The following SSBP3 variants were observed in gnomAD, a reference collection of about 807,000 sequenced individuals.
The protein encoded by SSBP3 is single stranded DNA binding protein 3.
SSBP3 carries 5 observed loss-of-function variants against 69.6 expected under a neutral mutation model. That is an observed-to-expected ratio of 0.07 (90% confidence interval 0.04 to 0.15). The LOEUF (loss-of-function observed/expected upper bound fraction) is 0.15. Among genes scored for constraint, SSBP3 ranks in the 10% least tolerant of loss-of-function variants. The pLI is 1.00. For synonymous variants in SSBP3, 196 were observed against 193.4 expected (o/e 1.01, Z -0.11); for missense variants, 312 against 534.0 (o/e 0.58, Z 4.10).
At chr1:54,260,916 G>C (rs1645007219) in intron 5 of SSBP3, among the ~76,000 whole-genome samples, 1 of 152,232 alleles carries the variant, frequency 6.6e-6, no homozygotes, top group Admixed American at 6.5e-5. Flanking sequence ...CAAGCTAAAA[G>C]CTCAGTGCCC....
intron 7 of SSBP3, among the ~76,000 whole-genome samples, chr1:54,253,009 G>A (rs1453345407): frequency 6.6e-6 from 1 of 152,050 alleles, no homozygotes; most frequent in Non-Finnish European, 1.5e-5. Context: ...ACTTCAAACC[G>A]GTTTTGGAAC....
intron 4 of SSBP3, among the ~76,000 whole-genome samples, chr1:54,358,411 G>T (rs1646901779): frequency 6.6e-6 from 1 of 152,176 alleles, no homozygotes; most frequent in African/African-American, 2.4e-5. Flanking sequence ...AGAGTCTCAG[G>T]GCTTCTGTGC....
intron 4 of SSBP3, among the ~76,000 whole-genome samples, chr1:54,352,794 A>C (rs1646801135): frequency 6.6e-6 from 1 of 152,240 alleles, no homozygotes; most frequent in South Asian, 2.1e-4. Flanking sequence ...AACTGCTCGG[A>C]AACTTCAATC....
intron 9 of SSBP3, among the ~76,000 whole-genome samples, chr1:54,247,295 A>C (rs575428001): frequency 4.1e-4 from 62 of 152,220 alleles, no homozygotes; most frequent in Non-Finnish European, 6.6e-4. Flanking sequence ...AAGGGAATAC[A>C]CACAGTGCTG....
chr1:54,259,527 C>G (rs1644981331), intron 5 of SSBP3, among the ~76,000 whole-genome samples: 1 of 152,228 alleles, frequency 6.6e-6, no homozygotes, highest in Admixed American at 6.5e-5. Flanking sequence ...CTTCCCCACC[C>G]ATGACTGTGC....
chr1:54,393,274 G>A (rs1648627724), intron 4 of SSBP3, among the ~76,000 whole-genome samples: 1 of 152,210 alleles, frequency 6.6e-6, no homozygotes, highest in South Asian at 2.1e-4. Flanking sequence ...CACTGGGGCA[G>A]GGAGAACATA....
chr1:54,404,669 G>A (rs1255597096), intron 2 of SSBP3, 32 bp from the exon 3 acceptor site: 10 of 1,613,460 alleles, frequency 6.2e-6, no homozygotes, highest in Middle Eastern at 3.3e-4. Context: ...CAGCTTAGAG[G>A]AGCAGAGACG....
At chr1:54,321,065 A>C (rs888377057) in intron 4 of SSBP3, among the ~76,000 whole-genome samples, 2 of 152,196 alleles carry the variant, frequency 1.3e-5, no homozygotes, top group Non-Finnish European at 2.9e-5. Flanking sequence ...CAGTGGCCTA[A>C]GGGAACATGG....
chr1:54,316,497 C>T (rs1646100901), intron 4 of SSBP3, among the ~76,000 whole-genome samples: 1 of 144,510 alleles, frequency 6.9e-6, no homozygotes, highest in Non-Finnish European at 1.5e-5. Flanking sequence ...AAAAATTAGC[C>T]GGGCGCGGTG....
intron 5 of SSBP3, among the ~76,000 whole-genome samples, chr1:54,279,148 C>A (rs190632914): frequency 1.5e-3 from 232 of 152,240 alleles, no homozygotes; most frequent in Middle Eastern, 3.4e-3. Context: ...GCAGAGAGGC[C>A]AAGACATTGC....
chr1:54,294,359 A>C (rs4927083), intron 4 of SSBP3, among the ~76,000 whole-genome samples: 111,110 of 151,506 alleles, frequency 0.73, 40,919 homozygotes, highest in East Asian at 0.94. Flanking sequence ...CCCTGCCACA[A>C]ACTGTTCCTT....
intron 4 of SSBP3, among the ~76,000 whole-genome samples, chr1:54,386,683 C>CT (rs58429798): frequency 0.029 from 2,192 of 76,104 alleles, 370 homozygotes; most frequent in African/African-American, 0.14. Context: ...ACTGATCCTA[C>CT]TTTTTTTTTT....
At chr1:54,406,871 C>G (rs1015792099), upstream of SSBP3, among the ~76,000 whole-genome samples, 3 of 151,636 alleles carry the variant, frequency 2.0e-5, no homozygotes, top group African/African-American at 7.3e-5. Context: ...CCGCACCAGC[C>G]CAGCCCTTAT....
At chr1:54,402,860 C>G (rs1001081529) in intron 3 of SSBP3, among the ~76,000 whole-genome samples, 7 of 152,134 alleles carry the variant, frequency 4.6e-5, no homozygotes, top group Admixed American at 6.5e-5. Flanking sequence ...AACAAGGGAC[C>G]TAAGAAACTC....
At chr1:54,334,265 T>C (rs1340474566) in intron 4 of SSBP3, among the ~76,000 whole-genome samples, 4 of 151,684 alleles carry the variant, frequency 2.6e-5, no homozygotes, top group Non-Finnish European at 5.9e-5. Context: ...GGCAGGAGAA[T>C]CACTTGAACC....
At chr1:54,254,287 G>A (rs1004856729) in intron 7 of SSBP3, among the ~76,000 whole-genome samples, 1 of 152,152 alleles carries the variant, frequency 6.6e-6, no homozygotes, top group Admixed American at 6.5e-5. Flanking sequence ...TGCTGCATCC[G>A]CATGCTCTCT....
chr1:54,352,646 G>C (rs183923331), intron 4 of SSBP3, among the ~76,000 whole-genome samples: 1 of 152,336 alleles, frequency 6.6e-6, no homozygotes, highest in African/African-American at 2.4e-5. Flanking sequence ...CACCTTGCAG[G>C]ATGTGCAGCA....
At chr1:54,328,167 C>T (rs756743139) in intron 4 of SSBP3, among the ~76,000 whole-genome samples, 1 of 152,142 alleles carries the variant, frequency 6.6e-6, no homozygotes, top group South Asian at 2.1e-4. Flanking sequence ...TCCTCATCTC[C>T]CATCCTCTCT....
intron 4 of SSBP3, among the ~76,000 whole-genome samples, chr1:54,317,824 G>C (rs1646140683): frequency 6.6e-6 from 1 of 152,094 alleles, no homozygotes; most frequent in African/African-American, 2.4e-5. Flanking sequence ...GGAGTGCAAT[G>C]GTGCGATTTT....
Sources: gnomAD v4.1 joint callset for allele counts (sites outside exome capture counted in the v4.1 genomes callset) on GRCh38, gnomAD v4.1.1 for gene constraint, MANE v1.5 for transcripts, NCBI Gene and HGNC (gene_info 2026-07-23, HGNC 2026-07-21) for gene names.